The following DYNC2I1 variants were observed in gnomAD, a reference collection of about 807,000 sequenced individuals.
DYNC2I1 encodes dynein 2 intermediate chain 1.
Under a neutral mutation model 133.4 loss-of-function variants are expected in DYNC2I1, and 89 were observed. The observed-to-expected ratio is 0.67, with a 90% CI of 0.56 to 0.80. The LOEUF (loss-of-function observed/expected upper bound fraction) is 0.80, where lower values mean the gene tolerates loss of function less well. DYNC2I1 is among the 30% of genes least tolerant of loss of function. The probability of loss-of-function intolerance (pLI) is 0.00; values close to 1 mark genes in which losing one functional copy is unlikely to be tolerated. For missense variants in DYNC2I1, 1,291 were observed against 1,314.5 expected, an observed-to-expected ratio of 0.98 and a Z score of 0.28; for synonymous variants, 504 against 484.3, an observed-to-expected ratio of 1.04 and a Z score of -0.54.
chr7:158,895,277 G>T (rs962178630), intron 8 of DYNC2I1, among the ~76,000 whole-genome samples: 1 of 152,094 alleles, frequency 6.6e-6, no homozygotes, highest in African/African-American at 2.4e-5. Flanking sequence ...TTATGGTTTC[G>T]CATTTTACAC....
intron 12 of DYNC2I1, 79 bp downstream of exon 12, chr7:158,911,758 G>GCAGAACATTA: frequency 1.4e-6 from 2 of 1,475,550 alleles, no homozygotes; most frequent in Non-Finnish European, 1.8e-6. Flanking sequence ...CCTGAATAAT[G>GCAGAACATTA]TTCTGCAATA....
At chr7:158,954,519 G>A (rs113818373) in intron 4 of DYNC2I1, among the ~76,000 whole-genome samples, 2,950 of 152,234 alleles carry the variant, frequency 0.019, 33 homozygotes, top group Non-Finnish European at 0.032. Context: ...GTGGAGGTGT[G>A]TGCCTGTGGT....
chr7:158,912,504 G>A (rs915479114), intron 12 of DYNC2I1, among the ~76,000 whole-genome samples: 8 of 152,104 alleles, frequency 5.3e-5, no homozygotes, highest in African/African-American at 1.9e-4. Context: ...ACCCAGGCTG[G>A]ATGGAGTGCA....
intron 14 of DYNC2I1, among the ~76,000 whole-genome samples, chr7:158,915,178 G>A (rs920489919): frequency 3.3e-5 from 5 of 150,224 alleles, no homozygotes; most frequent in African/African-American, 4.9e-5. Context: ...CTGGTTGACA[G>A]GATGATTGTG....
At chr7:158,903,370 G>A (rs941975723) in intron 10 of DYNC2I1, 1 of 152,136 alleles carries the variant, frequency 6.6e-6, no homozygotes, top group Non-Finnish European at 1.5e-5. Context: ...TGGGCACTGA[G>A]GATAAAATAG....
At chr7:158,951,909 C>T (rs1428000355) in intron 4 of DYNC2I1, among the ~76,000 whole-genome samples, 1 of 152,188 alleles carries the variant, frequency 6.6e-6, no homozygotes, top group African/African-American at 2.4e-5. Flanking sequence ...AGGATGTGTT[C>T]TGGAGCCTCC....
intron 20 of DYNC2I1, among the ~76,000 whole-genome samples, 200 bp downstream of exon 20, chr7:158,927,243 AAAT>A (rs893617949): frequency 4.0e-5 from 6 of 151,836 alleles, no homozygotes; most frequent in Non-Finnish European, 8.8e-5. Context: ...CTCTACAAAA[AAAT>A]TCAAAAATTG....
chr7:158,951,887 G>A (rs1222836685), intron 4 of DYNC2I1, among the ~76,000 whole-genome samples: 3 of 152,210 alleles, frequency 2.0e-5, no homozygotes, highest in Non-Finnish European at 4.4e-5. Flanking sequence ...AGGGCTTCCA[G>A]GGAGTTTTAG....
upstream of DYNC2I1, among the ~76,000 whole-genome samples, chr7:158,854,503 G>T (rs1010815652): frequency 6.6e-6 from 1 of 151,582 alleles, no homozygotes; most frequent in African/African-American, 2.4e-5. Context: ...GTCTGTCGGG[G>T]GGGGCTGGGG....
chr7:158,911,707 A>G (rs1308216958), intron 12 of DYNC2I1, 28 bp downstream of exon 12: 3 of 1,585,464 alleles, frequency 1.9e-6, no homozygotes, highest in Non-Finnish European at 2.6e-6. Flanking sequence ...TAACTAAGTG[A>G]TAAAATGCAA....
intron 8 of DYNC2I1, among the ~76,000 whole-genome samples, chr7:158,897,471 G>A (rs1396451992): frequency 1.3e-5 from 2 of 152,098 alleles, no homozygotes; most frequent in African/African-American, 2.4e-5. Flanking sequence ...GTGAGTTTTA[G>A]CAACTGTGTC....
chr7:158,893,994 C>G (rs920021989), intron 8 of DYNC2I1, among the ~76,000 whole-genome samples: 1 of 151,970 alleles, frequency 6.6e-6, no homozygotes, highest in Non-Finnish European at 1.5e-5. Flanking sequence ...TGTCACACCA[C>G]ATATCATACC....
intron 21 of DYNC2I1, among the ~76,000 whole-genome samples, chr7:158,932,656 A>G (rs912141085): frequency 6.6e-6 from 1 of 152,110 alleles, no homozygotes; most frequent in East Asian, 1.9e-4. Flanking sequence ...TGTGATGTAG[A>G]TGGGTCAGTG....
chr7:158,907,701 C>G (rs1365848249), intron 11 of DYNC2I1, among the ~76,000 whole-genome samples: 7 of 152,108 alleles, frequency 4.6e-5, no homozygotes, highest in Non-Finnish European at 1.0e-4. Context: ...CCCTAACCTT[C>G]TGGGCTCAGG....
chr7:158,859,970 A>C (rs1766859337), intron 1 of DYNC2I1, among the ~76,000 whole-genome samples: 2 of 152,170 alleles, frequency 1.3e-5, no homozygotes, highest in Non-Finnish European at 2.9e-5. Flanking sequence ...ATTAATTAGT[A>C]TAGTCTATTT....
downstream of DYNC2I1, among the ~76,000 whole-genome samples, chr7:158,946,630 T>G (rs1190651465): frequency 1.3e-5 from 2 of 152,240 alleles, no homozygotes; most frequent in African/African-American, 4.8e-5. Flanking sequence ...GCCCTGCCCC[T>G]TAACAGCATC....
At chr7:158,915,451 T>G (rs1219629745) in intron 14 of DYNC2I1, among the ~76,000 whole-genome samples, 1,326 of 147,460 alleles carry the variant, frequency 9.0e-3, no homozygotes, top group South Asian at 0.013. Flanking sequence ...TAAGGATGAT[T>G]GTGAAACGTC....
At chr7:158,862,335 C>T (rs138015380) in intron 1 of DYNC2I1, among the ~76,000 whole-genome samples, 10 of 151,932 alleles carry the variant, frequency 6.6e-5, no homozygotes, top group Admixed American at 3.3e-4. Context: ...TTGTCAAGTA[C>T]TGGTTTACAG....
chr7:158,850,923 G>A, the DYNC2I1 span, among the ~76,000 whole-genome samples: 101 of 151,774 alleles, frequency 6.7e-4, no homozygotes, highest in Non-Finnish European at 1.3e-3. Flanking sequence ...TGGAGTCTAC[G>A]GAGCCTGAGA....
Sources: gnomAD v4.1 joint callset for allele counts (sites outside exome capture counted in the v4.1 genomes callset) on GRCh38, gnomAD v4.1.1 for gene constraint, MANE v1.5 for transcripts, NCBI Gene and HGNC (gene_info 2026-07-23, HGNC 2026-07-21) for gene names.